Variants in DCDC1 observed in about 807,000 individuals in gnomAD.
The protein encoded by DCDC1 is doublecortin domain containing 1.
DCDC1 carries 200 observed loss-of-function variants against 178.3 expected under a neutral mutation model. The observed-to-expected ratio is 1.12, with a 90% CI of 1.00 to 1.26. DCDC1 has a LOEUF of 1.26. Among genes scored for constraint, DCDC1 ranks in the 50% most tolerant of loss-of-function variants. The pLI is 0.00. For missense variants in DCDC1, 1,983 were observed against 1,749.2 expected (o/e 1.13, Z -2.38); for synonymous variants, 690 against 604.8 (o/e 1.14, Z -2.07).
chr11:31,199,990 T>C (rs1054162680), intron 9 of DCDC1, among the ~76,000 whole-genome samples: 3 of 152,124 alleles, frequency 2.0e-5, no homozygotes, highest in Non-Finnish European at 2.9e-5. Context: ...AGATATATAG[T>C]TGATCAATGT....
At chr11:31,144,062 T>C (rs1051226716) in intron 9 of DCDC1, among the ~76,000 whole-genome samples, 2 of 152,230 alleles carry the variant, frequency 1.3e-5, no homozygotes, top group African/African-American at 4.8e-5. Context: ...GGTTATAATT[T>C]GTCTAAAAGG....
chr11:31,364,888 T>A (rs1343518168), intron 1 of DCDC1, among the ~76,000 whole-genome samples: 1 of 151,990 alleles, frequency 6.6e-6, no homozygotes, highest in Non-Finnish European at 1.5e-5. Flanking sequence ...GTCATTCACC[T>A]CTCCCTTCCT....
chr11:31,241,596 G>T lies in DCDC1; in HGVS notation c.1075C>A (p.Leu359Met). The T allele has an allele frequency of 2.5e-6, 1 of 397,248 alleles. No homozygotes were observed. The highest frequency in any genetic ancestry group is 4.4e-6 in the Non-Finnish European group (1 of 224,858). 24.6% of individuals were successfully genotyped at this position (397,248 alleles called of 1,614,324 possible). The change falls in exon 9 of 39, where the codon CTG (leucine) becomes ATG (methionine). Residue 359 changes from leucine to methionine, a missense_variant. By Grantham distance (15) the Leu-to-Met change is conservative (BLOSUM62 2). Coordinates refer to ENST00000684477, the MANE Select transcript of DCDC1 (RefSeq NM_001387274.1). ...ISKVPLLEKCLQNSITPLRGL... is the reference protein window; with the variant it reads ...ISKVPLLEKCMQNSITPLRGL... Reference sequence around the variant, plus strand: ...CGCAAAGGTGTGATGGAATTTTGCAGGCATTTTTCAAGCAGAGGAACTATG... The same window carrying T: ...CGCAAAGGTGTGATGGAATTTTGCATGCATTTTTCAAGCAGAGGAACTATG...
intron 11 of DCDC1, among the ~76,000 whole-genome samples, chr11:31,113,789 A>G (rs1412455552): frequency 6.6e-6 from 1 of 152,196 alleles, no homozygotes; most frequent in Non-Finnish European, 1.5e-5. Context: ...GGTTAATAAA[A>G]AAAAATTATT....
In DCDC1 at chr11:31,110,418, T is replaced by C. The variant is rs1959131177; in HGVS notation, c.1486-57A>G. On this transcript the variant is annotated intron_variant, in intron 11 of 38. Coordinates refer to ENST00000684477, the MANE Select transcript of DCDC1 (RefSeq NM_001387274.1). ...AAATACATGCACACATACATACATA[T>C]ATTCATACATACTTAGATAAATTTA... The C allele has an allele frequency of 6.1e-6, 4 of 650,690 alleles. No individual in the cohort carries two copies. In the African/African-American group the frequency reaches 7.2e-5, roughly 12 times the overall value. The allele number at this position is 650,690 out of a possible 1,614,324, so 40.3% of individuals were successfully genotyped here. A position where few individuals can be genotyped will look rare whatever the true frequency, so the allele number is the denominator to read the frequency against.
At chr11:31,188,261 C>T (rs1347544072) in intron 9 of DCDC1, among the ~76,000 whole-genome samples, 1 of 151,476 alleles carries the variant, frequency 6.6e-6, no homozygotes. Context: ...CTCTAAGGCC[C>T]CCCTTCCTAT....
At chr11:31,294,805 AGAAAG>A (rs1947529674) in intron 6 of DCDC1, among the ~76,000 whole-genome samples, 1 of 27,208 alleles carries the variant, frequency 3.7e-5, no homozygotes, top group Non-Finnish European at 8.2e-5. Context: ...AGAAAAAGAA[AGAAAG>A]AAAGAAAGAA....
chr11:30,894,167 CA>C, intron 35 of DCDC1, 80 bp downstream of exon 35: 2 of 1,509,262 alleles, frequency 1.3e-6, no homozygotes, highest in Non-Finnish European at 1.8e-6. Context: ...TTAACAGTAT[CA>C]TTTTAAAATT....
At chr11:30,890,258 T>C (rs1943658937) in intron 36 of DCDC1, among the ~76,000 whole-genome samples, 1 of 152,232 alleles carries the variant, frequency 6.6e-6, no homozygotes, top group African/African-American at 2.4e-5. Flanking sequence ...ATGGGGTCTA[T>C]CATATGCTTT....
intron 21 of DCDC1, among the ~76,000 whole-genome samples, chr11:30,951,789 A>G (rs1948442567): frequency 6.6e-6 from 1 of 152,152 alleles, no homozygotes; most frequent in South Asian, 2.1e-4. Flanking sequence ...ATGAGAAAAA[A>G]AACATTTGGT....
intron 20 of DCDC1, among the ~76,000 whole-genome samples, chr11:31,008,145 A>G (rs1951963437): frequency 6.6e-6 from 1 of 152,210 alleles, no homozygotes. Context: ...AGAGAGAAAG[A>G]AGTACAAAGA....
At position 30,906,669 on chromosome 11, in the gene DCDC1, A is replaced by G. The variant is rs940808847; in HGVS notation, c.3975T>C (p.Cys1325=). ...GKRKTMLCLA[C]GQSMRTEKGL... ...CTTTCTCTGTTCTCATGGATTGTCC[A>G]CAAGCCAAGCAGAGCATAGTTTTTC... Residue 1325 remains cysteine, a synonymous_variant, in exon 30 of 39, where the codon TGT becomes TGC. Transcript: ENST00000684477. 3.1e-6 allele frequency: 5 copies of G among 1,613,690 alleles called. No individual in the cohort carries two copies. Among genetic ancestry groups the G allele is most frequent in the Non-Finnish European group, 4.2e-6 (5 of 1,179,712 alleles).
chr11:30,967,754 G>C (rs1215415673), intron 20 of DCDC1, among the ~76,000 whole-genome samples: 1 of 152,118 alleles, frequency 6.6e-6, no homozygotes, highest in Non-Finnish European at 1.5e-5. Flanking sequence ...TCCCCAAACA[G>C]CTCTTAAAGT....
At chr11:31,356,349 C>T (rs545309524) in intron 1 of DCDC1, among the ~76,000 whole-genome samples, 5 of 152,046 alleles carry the variant, frequency 3.3e-5, no homozygotes, top group East Asian at 3.9e-4. Context: ...GGGTACATAA[C>T]GAAATGAAGG....
At chr11:31,001,900 T>G (rs923306682) in intron 20 of DCDC1, among the ~76,000 whole-genome samples, 5 of 152,198 alleles carry the variant, frequency 3.3e-5, no homozygotes, top group Admixed American at 6.5e-5. Flanking sequence ...GTTCATCCAT[T>G]TGGATGCTGC....
chr11:30,947,500 G>T (rs1948124330), intron 21 of DCDC1, among the ~76,000 whole-genome samples: 1 of 152,074 alleles, frequency 6.6e-6, no homozygotes. Context: ...GGGGGAAAAT[G>T]GATATCCGTA....
chr11:30,981,836 G>C (rs1424579268), intron 20 of DCDC1, among the ~76,000 whole-genome samples: 1 of 152,090 alleles, frequency 6.6e-6, no homozygotes, highest in Non-Finnish European at 1.5e-5. Context: ...CTGGAATGCT[G>C]CATGGATACC....
chr11:30,941,670 A>T (rs1947650423), intron 21 of DCDC1, among the ~76,000 whole-genome samples: 1 of 152,166 alleles, frequency 6.6e-6, no homozygotes, highest in Admixed American at 6.6e-5. Flanking sequence ...AGGACAACAT[A>T]CATTATTATA....
At chr11:31,014,736 T>C (rs1363069846) in intron 20 of DCDC1, among the ~76,000 whole-genome samples, 1 of 152,158 alleles carries the variant, frequency 6.6e-6, no homozygotes, top group Non-Finnish European at 1.5e-5. Context: ...CATCAGCCTA[T>C]CAGTTAGATG....
Sources: allele counts gnomAD v4.1 joint callset (sites outside exome capture counted in the v4.1 genomes callset), GRCh38; gene constraint gnomAD v4.1.1; transcripts MANE v1.5; gene names NCBI Gene and HGNC (gene_info 2026-07-23, HGNC 2026-07-21).